SUSD1: variants seen among roughly 807,000 people sequenced by gnomAD.
The protein encoded by SUSD1 is sushi domain-containing protein 1.
A neutral mutation model predicts 86.9 loss-of-function variants in SUSD1; 65 were observed. That is an observed-to-expected ratio of 0.75 (90% confidence interval 0.61 to 0.92). SUSD1 has a LOEUF of 0.92. Ranked by LOEUF, SUSD1 falls within the 40% of genes least tolerant of loss-of-function variation. The pLI is 0.00. For synonymous variants in SUSD1, 346 were observed against 350.0 expected (o/e 0.99, Z 0.13); for missense variants, 850 against 929.7 (o/e 0.91, Z 1.11).
chr9:112,061,622 CAG>C (rs1828730074), intron 13 of SUSD1, among the ~76,000 whole-genome samples: 1 of 152,192 alleles, frequency 6.6e-6, no homozygotes, highest in African/African-American at 2.4e-5. Flanking sequence ...TTTATAATGA[CAG>C]AATTACAATG....
chr9:112,171,695 A>G (rs935222819), intron 1 of SUSD1, among the ~76,000 whole-genome samples: 1 of 151,200 alleles, frequency 6.6e-6, no homozygotes, highest in Non-Finnish European at 1.5e-5. Flanking sequence ...AACCTCCCCC[A>G]CTTATAGCCC....
intron 8 of SUSD1, among the ~76,000 whole-genome samples, chr9:112,105,435 G>A (rs946190070): frequency 6.6e-6 from 1 of 152,074 alleles, no homozygotes; most frequent in Non-Finnish European, 1.5e-5. Context: ...AAACTCACAG[G>A]GGACCGGGCA....
chr9:112,065,057 A>G (rs1249990955), intron 12 of SUSD1, among the ~76,000 whole-genome samples: 1 of 152,174 alleles, frequency 6.6e-6, no homozygotes, highest in African/African-American at 2.4e-5. Context: ...TTGATACATG[A>G]CAGATTGTTA....
chr9:112,085,136 T>C (rs143328211), intron 10 of SUSD1, among the ~76,000 whole-genome samples: 5 of 152,198 alleles, frequency 3.3e-5, no homozygotes, highest in Non-Finnish European at 5.9e-5. Context: ...GCTATGATTG[T>C]TCAAATGCAA....
intron 8 of SUSD1, among the ~76,000 whole-genome samples, chr9:112,104,136 CTCCT>C (rs1830738042): frequency 4.6e-5 from 7 of 152,028 alleles, no homozygotes; most frequent in Admixed American, 1.3e-4. Flanking sequence ...CCACCTCAGC[CTCCT>C]GAGTAGCTAG....
At chr9:112,158,590 C>G (rs1833439264) in intron 1 of SUSD1, among the ~76,000 whole-genome samples, 1 of 152,086 alleles carries the variant, frequency 6.6e-6, no homozygotes, top group African/African-American at 2.4e-5. Context: ...TGGGGTCTCC[C>G]TATGTTGTCA....
intron 5 of SUSD1, among the ~76,000 whole-genome samples, chr9:112,128,031 G>A (rs1049135603): frequency 6.6e-5 from 10 of 151,266 alleles, no homozygotes; most frequent in African/African-American, 2.2e-4. Flanking sequence ...TCTTACTCTC[G>A]GACTCAAGCA....
intron 13 of SUSD1, among the ~76,000 whole-genome samples, chr9:112,060,351 T>C (rs1337627668): frequency 6.6e-6 from 1 of 152,178 alleles, no homozygotes; most frequent in Non-Finnish European, 1.5e-5. Context: ...AACCTTTACC[T>C]CCCAGGTTCA....
At chr9:112,121,688 C>CT (rs989636605) in intron 6 of SUSD1, among the ~76,000 whole-genome samples, 7 of 152,222 alleles carry the variant, frequency 4.6e-5, no homozygotes, top group African/African-American at 1.4e-4. Flanking sequence ...CACAATTCTG[C>CT]TGCTAGTCAA....
intron 14 of SUSD1, among the ~76,000 whole-genome samples, chr9:112,055,880 T>C (rs2118932183): frequency 6.6e-6 from 1 of 152,332 alleles, no homozygotes; most frequent in African/African-American, 2.4e-5. Flanking sequence ...TAGAAGACTT[T>C]AGGCTAAATG....
rs1416267298 is a variant in SUSD1 at position 112,051,412 on chromosome 9, T to TC, written c.2149+986_2149+987insG. ...AAGGGAAGAAGTTTTTCTTTTCTTTTTTTTTTTTTTTTTTTTTTTTTGTTG... is the reference window on the plus strand; with the variant it reads ...AAGGGAAGAAGTTTTTCTTTTCTTTTCTTTTTTTTTTTTTTTTTTTTTGTTG... On this transcript the variant is annotated intron_variant, in intron 15 of 16. Coordinates refer to ENST00000374270, the MANE Select transcript of SUSD1 (RefSeq NM_022486.5). Among the ~76,000 whole-genome samples, 676 of 100,326 alleles carry TC rather than the reference T, an allele frequency of 6.7e-3. 4 individuals carry two copies. Among genetic ancestry groups the TC allele is most frequent in the African/African-American group, 0.038 (647 of 17,204 alleles). 65.8% of individuals were successfully genotyped at this position (100,326 alleles called of 152,430 possible). A position where few individuals can be genotyped will look rare whatever the true frequency, so the allele number is the denominator to read the frequency against.
At position 112,157,483 on chromosome 9, in the gene SUSD1, C is replaced by G; in HGVS notation, c.217+17G>C. ...CTCGATTCAGCTTTTCAACTTAACCCAGAGTTCAGAACTTACCAACACACT... is the reference window on the plus strand; with the variant it reads ...CTCGATTCAGCTTTTCAACTTAACCGAGAGTTCAGAACTTACCAACACACT... On this transcript the variant is annotated intron_variant, in intron 2 of 16. Transcript: ENST00000374270. 2 of 1,572,316 alleles carry G rather than the reference C, an allele frequency of 1.3e-6. No individual in the cohort carries two copies. Among genetic ancestry groups the G allele is most frequent in the Non-Finnish European group, 1.7e-6 (2 of 1,145,336 alleles).
intron 8 of SUSD1, among the ~76,000 whole-genome samples, chr9:112,111,419 C>A (rs1831091167): frequency 6.6e-6 from 1 of 152,122 alleles, no homozygotes; most frequent in Admixed American, 6.5e-5. Flanking sequence ...TTATTACTTT[C>A]CACCTCTCCC....
intron 15 of SUSD1, among the ~76,000 whole-genome samples, chr9:112,045,366 A>G (rs2118840151): frequency 6.6e-6 from 1 of 152,360 alleles, no homozygotes; most frequent in East Asian, 1.9e-4. Flanking sequence ...ACAGAAATCC[A>G]TATCATGCAT....
chr9:112,063,724 T>A (rs867094752), intron 12 of SUSD1, among the ~76,000 whole-genome samples: 1 of 152,236 alleles, frequency 6.6e-6, no homozygotes, highest in South Asian at 2.1e-4. Flanking sequence ...AGTCATGGTA[T>A]AAATGTGCTA....
At chr9:112,044,560 T>C (rs1333969764) in intron 15 of SUSD1, among the ~76,000 whole-genome samples, 1 of 152,238 alleles carries the variant, frequency 6.6e-6, no homozygotes, top group Non-Finnish European at 1.5e-5. Context: ...TTTCAGATCA[T>C]TGGGGAAATG....
At chr9:112,101,748 A>G (rs1830643992) in intron 9 of SUSD1, among the ~76,000 whole-genome samples, 1 of 152,194 alleles carries the variant, frequency 6.6e-6, no homozygotes, top group African/African-American at 2.4e-5. Flanking sequence ...AGGAAGGCTG[A>G]CGCAAGAGAA....
intron 14 of SUSD1, among the ~76,000 whole-genome samples, chr9:112,053,491 G>A (rs987711073): frequency 2.6e-5 from 3 of 115,152 alleles, no homozygotes; most frequent in African/African-American, 1.1e-4. Flanking sequence ...TCCAGCCTGG[G>A]CAACAGAATG....
At chr9:112,139,256 A>G (rs1832452774) in intron 5 of SUSD1, among the ~76,000 whole-genome samples, 1 of 152,170 alleles carries the variant, frequency 6.6e-6, no homozygotes, top group East Asian at 1.9e-4. Flanking sequence ...TACCGAACTG[A>G]ACAAAGATGG....
Sources: gnomAD v4.1 joint callset for allele counts (sites outside exome capture counted in the v4.1 genomes callset) on GRCh38, gnomAD v4.1.1 for gene constraint, MANE v1.5 for transcripts, NCBI Gene and HGNC (gene_info 2026-07-23, HGNC 2026-07-21) for gene names.